The following ARMC3 variants were observed in gnomAD, a reference collection of about 807,000 sequenced individuals.
ARMC3 encodes armadillo repeat containing 3, also known as armadillo repeat-containing protein 3.
Under a neutral mutation model 90.3 loss-of-function variants are expected in ARMC3, and 74 were observed. The ratio of observed to expected loss-of-function variants is 0.82; its 90% confidence interval spans 0.68 to 0.99. The LOEUF (loss-of-function observed/expected upper bound fraction) is 0.99. Ranked by LOEUF, ARMC3 falls within the 50% of genes least tolerant of loss-of-function variation. The pLI is 0.00. For synonymous variants in ARMC3, 334 were observed against 361.8 expected (o/e 0.92, Z 0.87); for missense variants, 958 against 1,042.8 (o/e 0.92, Z 1.12).
At chr10:22,961,705 A>C (rs1182591204) in intron 6 of ARMC3, 179 bp from the exon 7 acceptor site, 2 of 564,810 alleles carry the variant, frequency 3.5e-6, no homozygotes, top group Non-Finnish European at 6.1e-6. Flanking sequence ...TACAGTTAAA[A>C]TAAATTTTGA....
intron 4 of ARMC3, among the ~76,000 whole-genome samples, chr10:22,957,190 C>T (rs1189052628): frequency 2.6e-5 from 4 of 151,852 alleles, no homozygotes; most frequent in Admixed American, 1.3e-4. Flanking sequence ...GCCCATCCAC[C>T]GCCCGCCATT....
At chr10:23,027,217 C>G (rs1366637464) in intron 16 of ARMC3, among the ~76,000 whole-genome samples, 2 of 152,152 alleles carry the variant, frequency 1.3e-5, no homozygotes, top group Non-Finnish European at 2.9e-5. Context: ...TGGGGGAGAA[C>G]TGACATCTTT....
intron 1 of ARMC3, among the ~76,000 whole-genome samples, chr10:22,930,873 C>T (rs9732427): frequency 0.43 from 65,733 of 152,052 alleles, 18,626 homozygotes; most frequent in African/African-American, 0.81. Context: ...CAAACTCTCA[C>T]TGAAGAAAAC....
intron 16 of ARMC3, 54 bp from the exon 17 acceptor site, chr10:23,030,542 G>GT: frequency 6.4e-7 from 1 of 1,556,058 alleles, no homozygotes; most frequent in Non-Finnish European, 8.7e-7. Context: ...AAGAGCAATT[G>GT]TTTGTTTGTT....
In ARMC3 at chr10:23,038,372, C is replaced by T. The variant is rs1839198024; in HGVS notation, c.*893C>T. 1 of 152,110 alleles carries T rather than the reference C, an allele frequency of 6.6e-6. No individual in the cohort carries two copies. The highest frequency in any genetic ancestry group is 1.5e-5 in the Non-Finnish European group (1 of 68,024). 9.4% of individuals were successfully genotyped at this position (152,110 alleles called of 1,614,324 possible). A position where few individuals can be genotyped will look rare whatever the true frequency, so the allele number is the denominator to read the frequency against. On this transcript the variant is annotated 3_prime_UTR_variant, in exon 19 of 19. Coordinates refer to ENST00000298032, the MANE Select transcript of ARMC3 (RefSeq NM_173081.5). ...GTGAAGTACATATTGCCTAGTCACGCTTAAAGTCCAGTGTTGACCTGTATA... is the reference window on the plus strand; with the variant it reads ...GTGAAGTACATATTGCCTAGTCACGTTTAAAGTCCAGTGTTGACCTGTATA...
intron 16 of ARMC3, among the ~76,000 whole-genome samples, chr10:23,028,609 T>C (rs1838808882): frequency 6.6e-6 from 1 of 152,334 alleles, no homozygotes; most frequent in Admixed American, 6.5e-5. Flanking sequence ...TAGCAGACAA[T>C]TGACTAAGTT....
At chr10:23,020,320 G>A (rs887244989) in intron 16 of ARMC3, among the ~76,000 whole-genome samples, 1 of 151,946 alleles carries the variant, frequency 6.6e-6, no homozygotes, top group Non-Finnish European at 1.5e-5. Flanking sequence ...AGAGATGGAT[G>A]ATGGTTTCTA....
rs1395127151 is a variant in ARMC3 at position 22,981,493 on chromosome 10, G to A, written c.1069+1G>A. 4 of 1,613,888 alleles carry A rather than the reference G, an allele frequency of 2.5e-6. No individual in the cohort carries two copies. Among genetic ancestry groups the A allele is most frequent in the South Asian group, 1.1e-5 (1 of 91,020 alleles). On this transcript the variant is annotated splice_donor_variant, in intron 9 of 18. Transcript: ENST00000298032. LOFTEE classifies it high-confidence loss of function. ...AGCAAAGATTTTTTCAATAATCAGG[G>A]TAAGTCAACTGGAAACAATTCTTTT...
intron 14 of ARMC3, among the ~76,000 whole-genome samples, chr10:23,007,693 C>T (rs1377561007): frequency 3.8e-5 from 4 of 104,662 alleles, no homozygotes; most frequent in South Asian, 6.8e-4. Flanking sequence ...AGCAAGACTC[C>T]GTCTCAAAAA....
intron 13 of ARMC3, among the ~76,000 whole-genome samples, chr10:23,005,691 CT>C (rs1181354163): frequency 3.3e-5 from 5 of 152,146 alleles, no homozygotes; most frequent in Admixed American, 6.5e-5. Context: ...TGGCGAAACC[CT>C]GTCTCTACTA....
At chr10:22,932,118 A>G (rs1833955107) in intron 2 of ARMC3, 74 bp downstream of exon 2, 4 of 1,339,478 alleles carry the variant, frequency 3.0e-6, no homozygotes, top group Non-Finnish European at 4.1e-6. Flanking sequence ...ACAGTTTGGC[A>G]TGTACCAGTA....
In ARMC3 at chr10:23,032,789, T is replaced by C. The variant is rs977652559; in HGVS notation, c.2247-72T>C. ...TGTCATTTTTACATGTATATTTACA[T>C]GTAATTACACTCAAAGCATCCTAAG... On this transcript the variant is annotated intron_variant, in intron 17 of 18. Transcript: ENST00000298032. The C allele has an allele frequency of 4.8e-5, 69 of 1,423,418 alleles. 1 individual carries two copies. The Admixed American group carries it at 1.5e-3, about 31-fold the overall frequency. The allele number at this position is 1,423,418 out of a possible 1,614,324, so 88.2% of individuals were successfully genotyped here.
chr10:22,932,000 G>A lies in ARMC3; in HGVS notation c.4G>A (p.Gly2Ser), dbSNP rs1833950337. 6.2e-7 allele frequency: 1 copy of A among 1,604,628 alleles called. No homozygotes were observed. Among genetic ancestry groups the A allele is most frequent in the East Asian group, 2.2e-5 (1 of 44,614 alleles). M[G>S]KKIKKEVEPP... ...ATATATTGCATCTTTTTCCAGGATGGGTAAAAAGATAAAGAAGGAAGTAGA... is the reference window on the plus strand; with the variant it reads ...ATATATTGCATCTTTTTCCAGGATGAGTAAAAAGATAAAGAAGGAAGTAGA... Residue 2 changes from glycine (G) to serine (S), a missense_variant, in exon 2 of 19, where the codon GGT becomes AGT. Gly to Ser is a moderately conservative substitution (Grantham distance 56, BLOSUM62 0). Transcript: ENST00000298032.
At chr10:23,025,914 T>C (rs929264345) in intron 16 of ARMC3, among the ~76,000 whole-genome samples, 1 of 152,046 alleles carries the variant, frequency 6.6e-6, no homozygotes, top group Non-Finnish European at 1.5e-5. Flanking sequence ...ATTATTACTA[T>C]AACCCCTCAA....
chr10:22,931,812 T>C (rs1833943245), intron 1 of ARMC3, among the ~76,000 whole-genome samples, 184 bp from the exon 2 acceptor site: 1 of 152,224 alleles, frequency 6.6e-6, no homozygotes, highest in Admixed American at 6.5e-5. Flanking sequence ...TCCTTAAAAT[T>C]GCAGAGTTTG....
intron 8 of ARMC3, among the ~76,000 whole-genome samples, chr10:22,973,530 A>AT (rs1474994520): frequency 6.6e-6 from 1 of 150,818 alleles, no homozygotes; most frequent in African/African-American, 2.4e-5. Flanking sequence ...TAAGATAAGG[A>AT]TAAACAATGG....
At chr10:22,997,269 C>T (rs1384935493) in intron 10 of ARMC3, 2 of 152,174 alleles carry the variant, frequency 1.3e-5, no homozygotes, top group African/African-American at 4.8e-5. Context: ...GGAGCCCTTC[C>T]ACCCTGGCTT....
At position 23,008,303 on chromosome 10, in the gene ARMC3, A is replaced by C. The variant is rs1310686628; in HGVS notation, c.1857A>C (p.Lys619Asn). 1.9e-6 allele frequency: 3 copies of C among 1,551,098 alleles called. No homozygotes were observed. The highest frequency in any genetic ancestry group is 3.6e-5 in the Admixed American group (2 of 55,844). ...YVSPPSSMED[K>N]SDVGYGRSIS... ...CTCCACCTTCATCTATGGAAGATAA[A>C]TCAGATGTTGGTTATGGACGAAGTA... The change falls in exon 15 of 19, where the codon AAA becomes AAC. Residue 619 changes from lysine (K) to asparagine (N), a missense_variant. By Grantham distance (94) the Lys-to-Asn change is moderately conservative. Transcript: ENST00000298032.
intron 11 of ARMC3, among the ~76,000 whole-genome samples, chr10:22,999,267 G>T (rs1837168506): frequency 6.6e-6 from 1 of 152,028 alleles, no homozygotes; most frequent in African/African-American, 2.4e-5. Context: ...CTTTATTTAG[G>T]CCAGGTGCAG....
Sources: gnomAD v4.1 joint callset for allele counts (sites outside exome capture counted in the v4.1 genomes callset) on GRCh38, gnomAD v4.1.1 for gene constraint, MANE v1.5 for transcripts, NCBI Gene and HGNC (gene_info 2026-07-23, HGNC 2026-07-21) for gene names.